The following TECPR2 variants were observed in gnomAD, a reference collection of about 807,000 sequenced individuals.
The protein encoded by TECPR2 is tectonin beta-propeller repeat-containing protein 2.
TECPR2 carries 65 observed loss-of-function variants against 138.1 expected under a neutral mutation model. The ratio of observed to expected loss-of-function variants is 0.47; its 90% CI spans 0.39 to 0.58. The LOEUF (loss-of-function observed/expected upper bound fraction) is 0.58, where lower values mean the gene tolerates loss of function less well. Among genes scored for constraint, TECPR2 ranks in the 20% least tolerant of loss-of-function variants. The pLI is 0.00. For missense variants in TECPR2, 1,553 were observed against 1,824.5 expected, an observed-to-expected ratio of 0.85 and a Z score of 2.71; for synonymous variants, 746 against 749.8, an observed-to-expected ratio of 0.99 and a Z score of 0.08.
chr14:102,411,279 A>G (rs1379836363), intron 4 of TECPR2, among the ~76,000 whole-genome samples: 3 of 152,364 alleles, frequency 2.0e-5, no homozygotes, highest in African/African-American at 7.2e-5. Flanking sequence ...TTAATATAAG[A>G]AGGCAGGAAT....
chr14:102,432,728 G>A (rs968319268), intron 8 of TECPR2, among the ~76,000 whole-genome samples: 22 of 151,714 alleles, frequency 1.5e-4, no homozygotes, highest in Non-Finnish European at 2.8e-4. Context: ...TGTCGGGGCC[G>A]GGCGCAGTGG....
rs1195813959 is a variant in TECPR2 at position 102,431,881 on chromosome 14, G to A, written c.1170G>A (p.Glu390=). The part of the protein sequence containing the change: ...AEKLPGATVS[E]TRLRGSSMAS... ...AGCTGCCAGGGGCCACAGTTTCTGA[G>A]ACGAGGCTCAGAGGCTCTTCCATGG... Residue 390 remains glutamate, a synonymous_variant, in exon 8 of 20, where the codon GAG becomes GAA. Coordinates refer to ENST00000359520, the MANE Select transcript of TECPR2 (RefSeq NM_014844.5). The A allele has an allele frequency of 6.2e-7, 1 of 1,606,194 alleles. No individual in the cohort carries two copies. The highest frequency in any genetic ancestry group is 2.2e-5 in the East Asian group (1 of 44,628).
intron 17 of TECPR2, among the ~76,000 whole-genome samples, chr14:102,471,006 A>G (rs1234794910): frequency 6.6e-6 from 1 of 152,016 alleles, no homozygotes; most frequent in East Asian, 1.9e-4. Context: ...TTTAGTAGAG[A>G]TGGGGTTTCA....
At chr14:102,448,366 C>T (rs1890044472) in intron 13 of TECPR2, among the ~76,000 whole-genome samples, 1 of 152,158 alleles carries the variant, frequency 6.6e-6, no homozygotes, top group African/African-American at 2.4e-5. Context: ...AAAGAATTTG[C>T]CTTATATCAA....
intron 12 of TECPR2, among the ~76,000 whole-genome samples, chr14:102,444,494 C>T (rs1485322275): frequency 2.0e-5 from 3 of 152,154 alleles, no homozygotes; most frequent in Non-Finnish European, 4.4e-5. Flanking sequence ...GCCACTATGC[C>T]TGGCCCGATC....
At chr14:102,463,755 C>T (rs1265856484) in intron 16 of TECPR2, among the ~76,000 whole-genome samples, 1 of 151,996 alleles carries the variant, frequency 6.6e-6, no homozygotes, top group African/African-American at 2.4e-5. Flanking sequence ...TAAACTCCAT[C>T]TCTACTAAAA....
At chr14:102,427,202 T>G (rs946433364) in intron 6 of TECPR2, among the ~76,000 whole-genome samples, 3 of 152,244 alleles carry the variant, frequency 2.0e-5, no homozygotes, top group African/African-American at 7.2e-5. Flanking sequence ...TTTCCTCAGT[T>G]ACAGAGAACT....
chr14:102,379,748 AGAT>A (rs1887746583), intron 2 of TECPR2, among the ~76,000 whole-genome samples: 1 of 137,626 alleles, frequency 7.3e-6, no homozygotes, highest in Non-Finnish European at 1.6e-5. Flanking sequence ...ACACTGCTGA[AGAT>A]CACCATCTTA....
chr14:102,443,755 G>C lies in TECPR2; in HGVS notation c.2861G>C (p.Arg954Thr). 1 of 1,611,630 alleles carries C rather than the reference G, an allele frequency of 6.2e-7. No individual in the cohort carries two copies. Among genetic ancestry groups the C allele is most frequent in the East Asian group, 2.2e-5 (1 of 44,840 alleles). ...NNVVWALTEQ[R>T]ALLYREGVSS... ...GTGGTGTGGGCGCTGACAGAGCAGA[G>C]GGCCCTCCTGTACCGGGAGGGCGTG... Residue 954 changes from arginine to threonine, a missense_variant, in exon 12 of 20, where the codon AGG becomes ACG. Arg to Thr is a moderately conservative substitution (Grantham distance 71, BLOSUM62 -1). Transcript: ENST00000359520. The surrounding 1 kb of genome is among the most constrained non-coding windows in gnomAD (Gnocchi z 4.9).
chr14:102,373,115 T>C (rs2139652389), intron 1 of TECPR2, among the ~76,000 whole-genome samples: 1 of 152,144 alleles, frequency 6.6e-6, no homozygotes, highest in South Asian at 2.1e-4. Context: ...GAAGTGGAGG[T>C]AACATTCATG....
intron 2 of TECPR2, among the ~76,000 whole-genome samples, chr14:102,389,251 G>A (rs1199257018): frequency 1.3e-5 from 2 of 151,826 alleles, no homozygotes; most frequent in East Asian, 1.9e-4. Context: ...ATTTGAACCT[G>A]GGAGGCAGAG....
intron 2 of TECPR2, among the ~76,000 whole-genome samples, chr14:102,406,855 G>T (rs577419039): frequency 2.3e-4 from 35 of 152,038 alleles, no homozygotes; most frequent in East Asian, 3.9e-4. Flanking sequence ...TGGTTTTTTT[G>T]TTGTTGTTGT....
intron 5 of TECPR2, among the ~76,000 whole-genome samples, chr14:102,416,123 T>C (rs1889018715): frequency 6.6e-6 from 1 of 152,106 alleles, no homozygotes; most frequent in African/African-American, 2.4e-5. Flanking sequence ...TTTCTTTTTC[T>C]TTTTCTTTTT....
At chr14:102,404,078 A>AT (rs1308102063) in intron 2 of TECPR2, among the ~76,000 whole-genome samples, 1 of 145,532 alleles carries the variant, frequency 6.9e-6, no homozygotes, top group East Asian at 2.0e-4. Flanking sequence ...TTTTTTTTTA[A>AT]TTTTTTGTAG....
At chr14:102,373,688 A>G (rs1392804880) in intron 1 of TECPR2, among the ~76,000 whole-genome samples, 2 of 152,134 alleles carry the variant, frequency 1.3e-5, no homozygotes, top group African/African-American at 4.8e-5. Context: ...ATCACAGAGG[A>G]ATGCAATTAT....
chr14:102,432,829 C>A (rs1344737582), intron 8 of TECPR2, among the ~76,000 whole-genome samples: 1 of 151,962 alleles, frequency 6.6e-6, no homozygotes, highest in Admixed American at 6.5e-5. Flanking sequence ...CATGGTGAAA[C>A]CCCGTCTCTA....
At chr14:102,414,477 G>C (rs1888968532) in intron 4 of TECPR2, among the ~76,000 whole-genome samples, 159 bp from the exon 5 acceptor site, 1 of 152,222 alleles carries the variant, frequency 6.6e-6, no homozygotes, top group African/African-American at 2.4e-5. Flanking sequence ...ATCTCGCTAT[G>C]GTGGGTTGAG....
At position 102,499,033 on chromosome 14, in the gene TECPR2, C is replaced by T. The variant is rs770143642; in HGVS notation, c.*776C>T. 3.4e-6 allele frequency: 2 copies of T among 585,818 alleles called. No individual in the cohort carries two copies. Among genetic ancestry groups the T allele is most frequent in the South Asian group, 1.7e-5 (1 of 58,200 alleles). The allele number at this position is 585,818 out of a possible 1,614,324, so 36.3% of individuals were successfully genotyped here. On this transcript the variant is annotated 3_prime_UTR_variant, in exon 20 of 20. Coordinates refer to ENST00000359520, the MANE Select transcript of TECPR2 (RefSeq NM_014844.5). ...CCGCACCGTACCTCGCCACATCTCA[C>T]CACACCACACCACACCACACCTCAC...
At chr14:102,413,694 G>C (rs577412487) in intron 4 of TECPR2, among the ~76,000 whole-genome samples, 52 of 152,210 alleles carry the variant, frequency 3.4e-4, no homozygotes, top group African/African-American at 1.3e-3. Flanking sequence ...ACACTTTTCT[G>C]TAAAAGTAAC....
Sources: allele counts gnomAD v4.1 joint callset (sites outside exome capture counted in the v4.1 genomes callset), GRCh38; gene constraint gnomAD v4.1.1; non-coding constraint Gnocchi (gnomAD v3.1); transcripts MANE v1.5; gene names NCBI Gene and HGNC (gene_info 2026-07-23, HGNC 2026-07-21).